TRIM2: variants seen among roughly 807,000 people sequenced by gnomAD.
TRIM2 encodes the protein tripartite motif containing 2.
TRIM2 carries 20 observed loss-of-function variants against 75.2 expected under a neutral mutation model. That is an observed-to-expected ratio of 0.27 (90% CI 0.19 to 0.39). The LOEUF (loss-of-function observed/expected upper bound fraction) is 0.39. Ranked by LOEUF, TRIM2 falls within the 10% of genes least tolerant of loss-of-function variation. The pLI, the probability that TRIM2 is intolerant of heterozygous loss-of-function variation, is 1.00. For synonymous variants in TRIM2, 373 were observed against 388.3 expected, an observed-to-expected ratio of 0.96 and a Z score of 0.46; for missense variants, 660 against 990.8, an observed-to-expected ratio of 0.67 and a Z score of 4.48.
intron 1 of TRIM2, among the ~76,000 whole-genome samples, chr4:153,220,345 A>T (rs1417049607): frequency 6.6e-6 from 1 of 152,188 alleles, no homozygotes; most frequent in African/African-American, 2.4e-5. Context: ...ACAGGTTGTT[A>T]TAGAAAAGGA....
rs114939225 is a variant in TRIM2, at chr4:153,182,576, G to T, written c.-49+29306G>T. 6.2e-3 allele frequency among the ~76,000 whole-genome samples: 951 copies of T among 152,314 alleles called. 11 individuals are homozygous for T. Among genetic ancestry groups the T allele is most frequent in the African/African-American group, 0.02 (818 of 41,558 alleles). On this transcript the variant is annotated intron_variant, in intron 1 of 11. Coordinates refer to the TRIM2 transcript ENST00000437508. ...TATAAATAAAAGCTGTGAGCACAGT[G>T]CCTGCCCTGCAGCAGGAACCACTCA...
chr4:153,213,130 C>T (rs143503854), intron 1 of TRIM2, among the ~76,000 whole-genome samples: 21 of 152,236 alleles, frequency 1.4e-4, no homozygotes, highest in African/African-American at 3.9e-4. Context: ...GTGTATGAGC[C>T]AGTCAGCCCA....
chr4:153,179,489 C>T (rs1218704423), intron 1 of TRIM2, among the ~76,000 whole-genome samples: 1 of 152,118 alleles, frequency 6.6e-6, no homozygotes, highest in African/African-American at 2.4e-5. Context: ...TTGCCACCTA[C>T]CTGCTTCACT....
chr4:153,275,398 G>A (rs1379823118), intron 2 of TRIM2, among the ~76,000 whole-genome samples: 1 of 152,160 alleles, frequency 6.6e-6, no homozygotes, highest in African/African-American at 2.4e-5. Context: ...ATCTCATTAT[G>A]ATTTTGTACG....
At chr4:153,256,294 CCAAAGG>C (rs1171850319) in intron 1 of TRIM2, among the ~76,000 whole-genome samples, 1 of 152,224 alleles carries the variant, frequency 6.6e-6, no homozygotes, top group African/African-American at 2.4e-5. Context: ...CCTACTACCA[CCAAAGG>C]TAATCACCAC....
In TRIM2 at chr4:153,318,752, G is replaced by A. The variant is rs548331464; in HGVS notation, c.1782+2753G>A. 2.0e-5 allele frequency among the ~76,000 whole-genome samples: 3 copies of A among 152,320 alleles called. No individual in the cohort carries two copies. The East Asian group carries it at 5.8e-4, about 29-fold the overall frequency. On this transcript the variant is annotated intron_variant, in intron 8 of 11. Transcript: ENST00000338700. Reference sequence around the variant, plus strand: ...TCACTTACGGAGACAGGAGTTTTATGTCTAAGGAAGAAGGGCTCTCTAAGC... The same window carrying A: ...TCACTTACGGAGACAGGAGTTTTATATCTAAGGAAGAAGGGCTCTCTAAGC...
chr4:153,322,703 A>G lies in TRIM2; in HGVS notation c.1838A>G (p.Asn613Ser), dbSNP rs1579720652. 1 of 1,614,222 alleles carries G rather than the reference A, an allele frequency of 6.2e-7. No individual in the cohort carries two copies. ...CCCAAAGGAGTTTCTGTGGACCGCA[A>G]TGGGCACATTATTGTTGTGGACAAC... is the stretch of plus-strand genomic sequence containing the variant. ...MGPKGVSVDRNGHIIVVDNKA... is the reference protein window; with the variant it reads ...MGPKGVSVDRSGHIIVVDNKA... The change falls in exon 9 of 12, where the codon AAT (asparagine) becomes AGT (serine). Residue 613 changes from asparagine (N) to serine (S), a missense_variant. Asn to Ser is a conservative substitution (Grantham distance 46). Coordinates refer to ENST00000338700, the MANE Select transcript of TRIM2 (RefSeq NM_015271.5).
rs574760506 is a variant in TRIM2 at position 153,292,677 on chromosome 4, A to T, written c.454-305A>T. Reference sequence around the variant, plus strand: ...TTGGAGTCCTCAATAATTTTTAAAGATTATAACGGGGTCCTGATATAAAAA... The same window carrying T: ...TTGGAGTCCTCAATAATTTTTAAAGTTTATAACGGGGTCCTGATATAAAAA... On this transcript the variant is annotated intron_variant, in intron 3 of 11. Coordinates refer to ENST00000338700, the MANE Select transcript of TRIM2 (RefSeq NM_015271.5). Among the ~76,000 whole-genome samples, 5 of 152,356 alleles carry T rather than the reference A, an allele frequency of 3.3e-5. 1 individual carries two copies. In the South Asian group the frequency reaches 1.0e-3, roughly 32 times the overall value.
At chr4:153,230,954 T>C (rs769348400) in intron 1 of TRIM2, among the ~76,000 whole-genome samples, 6 of 152,210 alleles carry the variant, frequency 3.9e-5, no homozygotes, top group Admixed American at 6.5e-5. Context: ...TTCCATCTTA[T>C]CTTGACAATG....
Position 153,250,683 on chromosome 4 carries a change from G to T in TRIM2, c.31-19652G>T, listed in dbSNP as rs951936239. Reference sequence around the variant, plus strand: ...TAGAGCCTGGAGCAAGCAAAGTGATGGTCTTGCTCTGCTCTGTGCTGGGCA... The same window carrying T: ...TAGAGCCTGGAGCAAGCAAAGTGATTGTCTTGCTCTGCTCTGTGCTGGGCA... On this transcript the variant is annotated intron_variant, in intron 1 of 11. Coordinates refer to ENST00000338700, the MANE Select transcript of TRIM2 (RefSeq NM_015271.5). Among the ~76,000 whole-genome samples, 8 of 152,204 alleles carry T rather than the reference G, an allele frequency of 5.3e-5. No homozygotes were observed. In the South Asian group the frequency reaches 6.2e-4, roughly 12 times the overall value.
In TRIM2 at chr4:153,338,922, G is replaced by C; in HGVS notation, c.*3956G>C. The C allele has an allele frequency of 1.0e-6, 1 of 983,148 alleles. No individual in the cohort carries two copies. The highest frequency in any genetic ancestry group is 1.2e-6 in the Non-Finnish European group (1 of 829,242). 60.9% of individuals were successfully genotyped at this position (983,148 alleles called of 1,614,324 possible). On this transcript the variant is annotated 3_prime_UTR_variant, in exon 12 of 12. Transcript: ENST00000338700. The stretch of plus-strand genomic sequence containing the variant: ...TCTTTATATCGTTCTCAATTCTATA[G>C]ACTTTCAAGCCTATGTATGAATATG...
chr4:153,240,943 G>A (rs1022738333), intron 1 of TRIM2, among the ~76,000 whole-genome samples: 2 of 152,202 alleles, frequency 1.3e-5, no homozygotes, highest in Admixed American at 1.3e-4. Flanking sequence ...TGGGCGTGGT[G>A]ACGCACAGCT....
At chr4:153,186,041 G>T (rs555745200) in intron 1 of TRIM2, among the ~76,000 whole-genome samples, 2 of 152,140 alleles carry the variant, frequency 1.3e-5, no homozygotes, top group Non-Finnish European at 1.5e-5. Context: ...GACATTGTTG[G>T]TTCTCACAAC....
At chr4:153,294,562 A>C in intron 5 of TRIM2, 77 bp downstream of exon 5, 2 of 1,444,382 alleles carry the variant, frequency 1.4e-6, no homozygotes, top group South Asian at 1.3e-5. Context: ...TCCTAATAGC[A>C]ACAAGGGGTC....
intron 1 of TRIM2, among the ~76,000 whole-genome samples, chr4:153,206,329 T>C (rs960129807): frequency 1.3e-5 from 2 of 152,240 alleles, no homozygotes; most frequent in Admixed American, 1.3e-4. Context: ...CTGTGTAACT[T>C]TGTCTAACTT....
At chr4:153,302,849 G>A (rs942169315) in intron 6 of TRIM2, among the ~76,000 whole-genome samples, 1 of 152,152 alleles carries the variant, frequency 6.6e-6, no homozygotes, top group African/African-American at 2.4e-5. Context: ...AATTCCTTAA[G>A]GTCAAGGATG....
intron 1 of TRIM2, among the ~76,000 whole-genome samples, chr4:153,244,164 T>TCTTCTTCTTCTTCTTCTCCTC (rs1257934508): frequency 6.9e-6 from 1 of 144,746 alleles, no homozygotes; most frequent in African/African-American, 2.8e-5. Flanking sequence ...TTCTTCTTCT[T>TCTTCTTCTTCTTCTTCTCCTC]CTTCTTCTTC....
chr4:153,249,132 TTC>T (rs1750106461), intron 1 of TRIM2, among the ~76,000 whole-genome samples: 3 of 152,272 alleles, frequency 2.0e-5, no homozygotes, highest in African/African-American at 7.2e-5. Context: ...CTTGAATCAG[TTC>T]TTTTACAAAG....
chr4:153,268,020 C>G (rs1755713119), intron 1 of TRIM2, among the ~76,000 whole-genome samples: 1 of 152,140 alleles, frequency 6.6e-6, no homozygotes, highest in Non-Finnish European at 1.5e-5. Flanking sequence ...GTAGGGAGTG[C>G]TGACTGGTCA....
Sources: gnomAD v4.1 joint callset for allele counts (sites outside exome capture counted in the v4.1 genomes callset) on GRCh38, gnomAD v4.1.1 for gene constraint, MANE v1.5 for transcripts, NCBI Gene and HGNC (gene_info 2026-07-23, HGNC 2026-07-21) for gene names.